BLTP3A: variants seen among roughly 807,000 people sequenced by gnomAD.
The protein encoded by BLTP3A is bridge-like lipid transfer protein family member 3A, also known as ICBP90 binding protein 1.
At chr6:34,838,814 C>T in the BLTP3A span, among the ~76,000 whole-genome samples, 1 of 152,186 alleles carries the variant, frequency 6.6e-6, no homozygotes, top group African/African-American at 2.4e-5. Context: ...CGTGGTGGCA[C>T]ACACCCGTAG....
the BLTP3A span, among the ~76,000 whole-genome samples, chr6:34,817,195 A>C: frequency 1.3e-5 from 2 of 152,170 alleles, no homozygotes; most frequent in African/African-American, 4.8e-5. Context: ...TTCGTACCTC[A>C]GTCCTATTTC....
At chr6:34,867,354 G>A in the BLTP3A span, 1 of 1,614,184 alleles carries the variant, frequency 6.2e-7, no homozygotes, top group Non-Finnish European at 8.5e-7. Context: ...GTTTCACCCA[G>A]TGGAGAAGAC....
At chr6:34,857,528 C>T in the BLTP3A span, 1 of 1,580,532 alleles carries the variant, frequency 6.3e-7, no homozygotes, top group Non-Finnish European at 8.6e-7. Context: ...ATTTGTCAGC[C>T]TTGGGGCCAC....
the BLTP3A span, among the ~76,000 whole-genome samples, chr6:34,796,176 C>T: frequency 6.6e-6 from 1 of 152,112 alleles, no homozygotes; most frequent in Non-Finnish European, 1.5e-5. Context: ...CTGATGATGC[C>T]ATTTGACCTA....
the BLTP3A span, among the ~76,000 whole-genome samples, chr6:34,812,634 AT>A: frequency 5.1e-3 from 736 of 143,120 alleles, 1 homozygote; most frequent in African/African-American, 9.5e-3. Flanking sequence ...CAGCTAATTA[AT>A]TTTTTTTTTT....
the BLTP3A span, among the ~76,000 whole-genome samples, chr6:34,838,805 G>A: frequency 1.8e-4 from 27 of 151,934 alleles, no homozygotes; most frequent in Non-Finnish European, 2.9e-4. Context: ...TCAGCTGGGC[G>A]TGGTGGCACA....
At chr6:34,839,951 T>C in the BLTP3A span, among the ~76,000 whole-genome samples, 1 of 152,208 alleles carries the variant, frequency 6.6e-6, no homozygotes, top group Non-Finnish European at 1.5e-5. Context: ...TGCCGTGCCG[T>C]CCAAGCTGAG....
chr6:34,857,761 G>C, the BLTP3A span: 2 of 1,614,130 alleles, frequency 1.2e-6, no homozygotes, highest in African/African-American at 1.3e-5. Flanking sequence ...TAAATGGTCT[G>C]ACATTTACTA....
chr6:34,840,487 A>G, the BLTP3A span, among the ~76,000 whole-genome samples: 1 of 150,540 alleles, frequency 6.6e-6, no homozygotes, highest in African/African-American at 2.4e-5. Context: ...AATTGCTTGA[A>G]CCCAGGAGGT....
the BLTP3A span, chr6:34,872,645 G>C: frequency 1.9e-6 from 1 of 518,540 alleles, no homozygotes; most frequent in Non-Finnish European, 3.1e-6. Flanking sequence ...TGTATCCCAG[G>C]AAACTGGGGC....
At chr6:34,814,211 C>T in the BLTP3A span, among the ~76,000 whole-genome samples, 1 of 152,064 alleles carries the variant, frequency 6.6e-6, no homozygotes, top group African/African-American at 2.4e-5. Flanking sequence ...GATGAGGTTT[C>T]ACCATGTTGC....
chr6:34,842,743 T>C, the BLTP3A span, among the ~76,000 whole-genome samples: 9 of 152,124 alleles, frequency 5.9e-5, no homozygotes, highest in African/African-American at 2.2e-4. Flanking sequence ...TGACAGTGAG[T>C]TCATGGAAGA....
the BLTP3A span, among the ~76,000 whole-genome samples, chr6:34,826,880 A>T: frequency 1.6e-4 from 24 of 152,330 alleles, no homozygotes; most frequent in African/African-American, 4.6e-4. Flanking sequence ...CTGAACTCAG[A>T]CATCTCTCCA....
the BLTP3A span, among the ~76,000 whole-genome samples, chr6:34,795,699 C>T: frequency 6.6e-6 from 1 of 152,102 alleles, no homozygotes; most frequent in African/African-American, 2.4e-5. Context: ...CCGTGCCTGG[C>T]CTGAACATAT....
chr6:34,851,545 C>T, the BLTP3A span, among the ~76,000 whole-genome samples: 1 of 152,156 alleles, frequency 6.6e-6, no homozygotes, highest in Non-Finnish European at 1.5e-5. Context: ...ACACCATGGC[C>T]ACCACCACTG....
chr6:34,866,209 G>A, the BLTP3A span, among the ~76,000 whole-genome samples: 1 of 152,022 alleles, frequency 6.6e-6, no homozygotes, highest in Non-Finnish European at 1.5e-5. Flanking sequence ...TTTGAGACCA[G>A]CCTGGCCAAC....
the BLTP3A span, chr6:34,855,714 C>T: frequency 1.4e-5 from 22 of 1,613,132 alleles, no homozygotes; most frequent in South Asian, 1.3e-4. Context: ...GTTAGGAAAA[C>T]TCTGAATGGG....
the BLTP3A span, among the ~76,000 whole-genome samples, chr6:34,862,342 C>T: frequency 6.6e-6 from 1 of 151,356 alleles, no homozygotes; most frequent in Non-Finnish European, 1.5e-5. Context: ...TGCCACTGCA[C>T]TCCAGCCTGG....
the BLTP3A span, among the ~76,000 whole-genome samples, chr6:34,812,221 G>A: frequency 9.2e-5 from 14 of 151,796 alleles, no homozygotes; most frequent in Admixed American, 6.6e-4. Flanking sequence ...CCAACTACTC[G>A]GGAGGCTGAG....
Sources: gnomAD v4.1 joint callset for allele counts (sites outside exome capture counted in the v4.1 genomes callset) on GRCh38, gnomAD v4.1.1 for gene constraint, MANE v1.5 for transcripts, NCBI Gene and HGNC (gene_info 2026-07-23, HGNC 2026-07-21) for gene names.